DDHD1: variants seen among roughly 807,000 people sequenced by gnomAD.
DDHD1 encodes the protein phospholipase DDHD1.
In DDHD1, 49 loss-of-function variants were observed where a neutral mutation model predicts 96.4. The ratio of observed to expected loss-of-function variants is 0.51; its 90% CI spans 0.40 to 0.64. The LOEUF (loss-of-function observed/expected upper bound fraction) is 0.64. Among genes scored for constraint, DDHD1 ranks in the 30% least tolerant of loss-of-function variants. DDHD1 has a pLI of 0.00. For missense variants in DDHD1, 1,106 were observed against 1,161.2 expected, an observed-to-expected ratio of 0.95 and a Z score of 0.69; for synonymous variants, 442 against 446.5, an observed-to-expected ratio of 0.99 and a Z score of 0.13.
At chr14:53,074,131 TAATG>T (rs1383474217) in intron 4 of DDHD1, among the ~76,000 whole-genome samples, 1 of 152,056 alleles carries the variant, frequency 6.6e-6, no homozygotes, top group Non-Finnish European at 1.5e-5. Flanking sequence ...CAGAATGGCA[TAATG>T]AATACCTCTG....
chr14:53,148,274 A>G (rs912896844), intron 1 of DDHD1, among the ~76,000 whole-genome samples: 3 of 152,104 alleles, frequency 2.0e-5, no homozygotes, highest in African/African-American at 7.2e-5. Flanking sequence ...ACAACTCCCT[A>G]GTGCAAACTG....
intron 11 of DDHD1, chr14:53,054,079 A>T (rs1227235060): frequency 5.6e-6 from 1 of 178,402 alleles, no homozygotes; most frequent in African/African-American, 2.4e-5. Flanking sequence ...ATAGATCTAA[A>T]GCAATAATTA....
chr14:53,057,801 T>A (rs1272749037), intron 9 of DDHD1, among the ~76,000 whole-genome samples: 1 of 152,204 alleles, frequency 6.6e-6, no homozygotes, highest in South Asian at 2.1e-4. Flanking sequence ...AATAATCAGA[T>A]AAATGAAGTG....
At chr14:53,148,415 T>C (rs1257654943) in intron 1 of DDHD1, among the ~76,000 whole-genome samples, 3 of 152,034 alleles carry the variant, frequency 2.0e-5, no homozygotes, top group African/African-American at 7.2e-5. Context: ...TGGGTTCAAG[T>C]GATTCTCCTG....
chr14:53,152,125 ATCTCCATCCTGCCCC>A, intron 1 of DDHD1, 121 bp downstream of exon 1: 1 of 842,316 alleles, frequency 1.2e-6, no homozygotes. Context: ...TCCCTGCTCA[ATCTCCATCCTGCCCC>A]AGCCAAACGC....
At position 53,130,928 on chromosome 14, in the gene DDHD1, T is replaced by C. The variant is rs145073664; in HGVS notation, c.838+21333A>G. ...CATCACAGACACTTTGGGTAACTCT[T>C]ACAGTGGAGGGTAAGTTCATCCCCT... On this transcript the variant is annotated intron_variant, in intron 1 of 12. Coordinates refer to ENST00000673822, the MANE Select transcript of DDHD1 (RefSeq NM_001160148.2). Among the ~76,000 whole-genome samples the C allele has an allele frequency of 9.7e-4, 147 of 152,312 alleles. 3 individuals are homozygous for C. The highest frequency in any genetic ancestry group is 3.4e-3 in the African/African-American group (140 of 41,568).
chr14:53,050,520 T>C (rs1295872344), intron 12 of DDHD1, among the ~76,000 whole-genome samples: 7 of 152,110 alleles, frequency 4.6e-5, no homozygotes, highest in African/African-American at 1.7e-4. Flanking sequence ...TTATTGTACC[T>C]ATGTTTTGCG....
At chr14:53,091,729 T>TG (rs1886443650) in intron 4 of DDHD1, 56 bp downstream of exon 4, 1 of 1,566,162 alleles carries the variant, frequency 6.4e-7, no homozygotes, top group African/African-American at 1.4e-5. Context: ...TCTTATACCC[T>TG]GGATCAAAGT....
chr14:53,134,705 G>A (rs1423846371), intron 1 of DDHD1, among the ~76,000 whole-genome samples: 4 of 151,756 alleles, frequency 2.6e-5, no homozygotes, highest in South Asian at 4.2e-4. Context: ...CAAGGCTAGA[G>A]CCCCAAAACT....
At chr14:53,104,834 T>C (rs1887567268) in intron 1 of DDHD1, among the ~76,000 whole-genome samples, 1 of 152,118 alleles carries the variant, frequency 6.6e-6, no homozygotes, top group Non-Finnish European at 1.5e-5. Context: ...GATCTAATTA[T>C]GTAGAATGCT....
At chr14:53,099,035 C>A (rs72688271) in intron 2 of DDHD1, among the ~76,000 whole-genome samples, 15,361 of 151,860 alleles carry the variant, frequency 0.1, 947 homozygotes, top group Middle Eastern at 0.16. Flanking sequence ...ATTTATTTTT[C>A]TCTTTGTCCC....
rs1396503121 is a variant in DDHD1, at chr14:53,041,855, G to A, written c.*4913C>T. 2.0e-5 allele frequency: 3 copies of A among 152,212 alleles called. No individual in the cohort carries two copies. In the East Asian group the frequency reaches 5.8e-4, roughly 29 times the overall value. 9.4% of individuals were successfully genotyped at this position (152,212 alleles called of 1,614,324 possible). ...TTAAAGCTTGCTGATGCTTTAATCT[G>A]AGCTTAAAGCATCAGATTACAGAGG... On this transcript the variant is annotated 3_prime_UTR_variant, in exon 13 of 13. Coordinates refer to ENST00000673822, the MANE Select transcript of DDHD1 (RefSeq NM_001160148.2).
At chr14:53,078,966 GTGT>G (rs1466177457) in intron 4 of DDHD1, among the ~76,000 whole-genome samples, 1 of 151,636 alleles carries the variant, frequency 6.6e-6, no homozygotes, top group East Asian at 1.9e-4. Context: ...ATCACATGAT[GTGT>G]TTTTTTTTCC....
intron 2 of DDHD1, among the ~76,000 whole-genome samples, chr14:53,096,926 C>T (rs1399783607): frequency 6.6e-6 from 1 of 151,934 alleles, no homozygotes; most frequent in East Asian, 1.9e-4. Flanking sequence ...AAACAGACAA[C>T]ATAGAGTAAA....
At chr14:53,073,638 CACT>C (rs1884711490) in intron 5 of DDHD1, 100 bp downstream of exon 5, 2 of 814,096 alleles carry the variant, frequency 2.5e-6, no homozygotes, top group Admixed American at 5.3e-5. Context: ...AAATTGAAGA[CACT>C]ACATTCTCAA....
chr14:53,121,363 G>A (rs955585994), intron 1 of DDHD1, among the ~76,000 whole-genome samples: 11 of 152,216 alleles, frequency 7.2e-5, no homozygotes, highest in African/African-American at 2.7e-4. Flanking sequence ...CATTGTGGAA[G>A]ACGGTGTGGC....
chr14:53,136,983 G>A (rs918544616), intron 1 of DDHD1, among the ~76,000 whole-genome samples: 5 of 152,022 alleles, frequency 3.3e-5, no homozygotes, highest in African/African-American at 1.2e-4. Flanking sequence ...AACATGGATG[G>A]GAAAACTGGC....
At chr14:53,089,500 A>G (rs1374812642) in intron 4 of DDHD1, among the ~76,000 whole-genome samples, 3 of 152,230 alleles carry the variant, frequency 2.0e-5, no homozygotes, top group Non-Finnish European at 4.4e-5. Context: ...CAGGCCTCAG[A>G]AATAACACCA....
In DDHD1 at chr14:53,041,075, G is replaced by C. The variant is rs533524457; in HGVS notation, c.*5693C>G. ...CGCAGTGGGTGTGGGTACAGTCAAG[G>C]GAAGGTATGAGTGACGCTCCTAGAT... On this transcript the variant is annotated 3_prime_UTR_variant, in exon 13 of 13. Coordinates refer to ENST00000673822, the MANE Select transcript of DDHD1 (RefSeq NM_001160148.2). 7.2e-5 allele frequency: 11 copies of C among 152,086 alleles called. No individual in the cohort carries two copies. In the South Asian group the frequency reaches 1.0e-3, roughly 14 times the overall value. The allele number at this position is 152,086 out of a possible 1,614,324, so 9.4% of individuals were successfully genotyped here.
Sources: gnomAD v4.1 joint callset for allele counts (sites outside exome capture counted in the v4.1 genomes callset) on GRCh38, gnomAD v4.1.1 for gene constraint, MANE v1.5 for transcripts, NCBI Gene and HGNC (gene_info 2026-07-23, HGNC 2026-07-21) for gene names.